The following LRRIQ1 variants were observed in gnomAD, a reference collection of about 807,000 sequenced individuals.
LRRIQ1 encodes leucine-rich repeat- and IQ domain-containing protein 1.
In LRRIQ1, 210 loss-of-function variants were observed where a neutral mutation model predicts 211.9. The observed-to-expected ratio is 0.99, with a 90% confidence interval of 0.89 to 1.11. LRRIQ1 has a LOEUF of 1.11. LRRIQ1 is among the 50% of genes most tolerant of loss of function. The probability of loss-of-function intolerance (pLI) is 0.00; values close to 1 mark genes in which losing one functional copy is unlikely to be tolerated. For missense variants in LRRIQ1, 2,136 were observed against 1,939.5 expected, an observed-to-expected ratio of 1.10 and a Z score of -1.90; for synonymous variants, 699 against 650.1, an observed-to-expected ratio of 1.08 and a Z score of -1.14.
rs1555228690 is a variant in LRRIQ1, at chr12:85,236,830, C to CATATATATATATATCTATATATCTAT, written c.5016+4088_5016+4089insCTATATATCTATATATATATATATAT. ...CTGGATATATGTATGTGTATGTGTG[C>CATATATATATATATCTATATATCTAT]ATATATATATATATATATATATATA... On this transcript the variant is annotated intron_variant, in intron 26 of 26. Transcript: ENST00000393217. 3.7e-5 allele frequency among the ~76,000 whole-genome samples: 4 copies of CATATATATATATATCTATATATCTAT among 108,802 alleles called. No individual in the cohort carries two copies. The East Asian group carries it at 1.0e-3, about 27-fold the overall frequency. The allele number at this position is 108,802 out of a possible 152,430, so 71.4% of individuals were successfully genotyped here.
chr12:85,213,180 C>CA (rs1006726463), intron 24 of LRRIQ1, among the ~76,000 whole-genome samples: 19 of 150,290 alleles, frequency 1.3e-4, no homozygotes, highest in African/African-American at 2.2e-4. Flanking sequence ...ACAACAGCAA[C>CA]AAAAAAAAGC....
chr12:85,210,884 A>C (rs569646302), intron 24 of LRRIQ1, among the ~76,000 whole-genome samples: 1 of 152,214 alleles, frequency 6.6e-6, no homozygotes, highest in Non-Finnish European at 1.5e-5. Flanking sequence ...GTTTTCCTCT[A>C]GTGCAAAGCA....
rs1202055106 is a variant in LRRIQ1, at chr12:85,046,108, A to G, written c.425A>G (p.Asp142Gly). The stretch of plus-strand genomic sequence containing the variant: ...TTTGTTCCTGAGCCTAGTCCTCATG[A>G]CTTGCCTATGGATGAACATGTTTTA... ...PDFVPEPSPHDLPMDEHVLPD... is the reference protein window; with the variant it reads ...PDFVPEPSPHGLPMDEHVLPD... Residue 142 changes from aspartate to glycine, a missense_variant, in exon 5 of 27, where the codon GAC (aspartate) becomes GGC (glycine). Asp to Gly is a moderately conservative substitution (Grantham distance 94). Coordinates refer to ENST00000393217, the MANE Select transcript of LRRIQ1 (RefSeq NM_001079910.2). The G allele has an allele frequency of 9.3e-6, 15 of 1,607,718 alleles. No individual in the cohort carries two copies. Among genetic ancestry groups the G allele is most frequent in the Non-Finnish European group, 1.3e-5 (15 of 1,175,710 alleles).
At chr12:85,107,211 T>A (rs915291433) in intron 15 of LRRIQ1, among the ~76,000 whole-genome samples, 5 of 152,126 alleles carry the variant, frequency 3.3e-5, no homozygotes, top group African/African-American at 1.2e-4. Flanking sequence ...GACCACCATC[T>A]TTTTTCAAAA....
Position 85,065,332 on chromosome 12 carries a change from A to G in LRRIQ1, c.2462A>G (p.Gln821Arg), listed in dbSNP as rs764133475. Residue 821 changes from glutamine (Q) to arginine (R), a missense_variant, in exon 9 of 27, where the codon CAG becomes CGG. By Grantham distance (43) the Gln-to-Arg change is conservative (BLOSUM62 1). Coordinates refer to ENST00000393217, the MANE Select transcript of LRRIQ1 (RefSeq NM_001079910.2). Reference sequence around the variant, plus strand: ...ACACTGGCAGAGTGTACAAATCTTCAGTTTCTATCCCTTCGACGCTGTGGA... The same window carrying G: ...ACACTGGCAGAGTGTACAAATCTTCGGTTTCTATCCCTTCGACGCTGTGGA... ...LSTLAECTNLQFLSLRRCGLT... is the reference protein window; with the variant it reads ...LSTLAECTNLRFLSLRRCGLT... 6.2e-7 allele frequency: 1 copy of G among 1,611,132 alleles called. No individual in the cohort carries two copies. The highest frequency in any genetic ancestry group is 8.5e-7 in the Non-Finnish European group (1 of 1,178,054).
At chr12:85,051,446 A>G (rs1003497689) in intron 6 of LRRIQ1, among the ~76,000 whole-genome samples, 63 of 152,114 alleles carry the variant, frequency 4.1e-4, no homozygotes, top group African/African-American at 1.4e-3. Context: ...TCTAATGTAA[A>G]CTGATGATTT....
intron 24 of LRRIQ1, among the ~76,000 whole-genome samples, chr12:85,188,275 A>G (rs1303642356): frequency 6.6e-6 from 1 of 152,126 alleles, no homozygotes; most frequent in East Asian, 1.9e-4. Context: ...GGTATGGATA[A>G]TTACATTTTA....
In LRRIQ1 at chr12:85,244,802, G is replaced by A; in HGVS notation, c.5030G>A (p.Ser1677Asn). 1 of 1,611,182 alleles carries A rather than the reference G, an allele frequency of 6.2e-7. No individual in the cohort carries two copies. The highest frequency in any genetic ancestry group is 8.5e-7 in the Non-Finnish European group (1 of 1,178,062). ...CATTGCTCCCAGGCAAGACTTGTAA[G>A]CAGAGAAGACACGGATTTAGACCTT... Reference protein sequence around the residue: ...GRVQLVARLVSREDTDLDLFS... With the variant: ...GRVQLVARLVNREDTDLDLFS... The change falls in exon 27 of 27, where the codon AGC becomes AAC. Residue 1677 changes from serine (S) to asparagine (N), a missense_variant. Ser to Asn is a conservative substitution (Grantham distance 46, BLOSUM62 1). Coordinates refer to ENST00000393217, the MANE Select transcript of LRRIQ1 (RefSeq NM_001079910.2).
intron 14 of LRRIQ1, among the ~76,000 whole-genome samples, chr12:85,105,441 C>G (rs1354759096): frequency 6.6e-6 from 1 of 150,744 alleles, no homozygotes; most frequent in African/African-American, 2.4e-5. Context: ...GTTGAATAAC[C>G]TTTTTTTTTC....
intron 14 of LRRIQ1, among the ~76,000 whole-genome samples, chr12:85,106,185 ACTTCTT>A (rs1886770255): frequency 6.6e-6 from 1 of 152,112 alleles, no homozygotes; most frequent in South Asian, 2.1e-4. Flanking sequence ...TTTAGATTTT[ACTTCTT>A]CAGATTTTGT....
intron 24 of LRRIQ1, among the ~76,000 whole-genome samples, chr12:85,209,744 C>G (rs987075330): frequency 3.3e-5 from 5 of 151,756 alleles, no homozygotes; most frequent in African/African-American, 1.2e-4. Context: ...GATGCTATTT[C>G]TTGAGCAAAA....
chr12:85,145,322 A>G (rs2136616983), intron 19 of LRRIQ1, among the ~76,000 whole-genome samples: 1 of 151,658 alleles, frequency 6.6e-6, no homozygotes, highest in East Asian at 1.9e-4. Context: ...AAAAGCCTAG[A>G]TCAACTGTCC....
chr12:85,218,806 A>G (rs1457861064), intron 24 of LRRIQ1, among the ~76,000 whole-genome samples: 2 of 152,138 alleles, frequency 1.3e-5, no homozygotes, highest in Non-Finnish European at 2.9e-5. Flanking sequence ...TCAGAAATGA[A>G]TAAATACCAG....
At position 85,137,803 on chromosome 12, in the gene LRRIQ1, G is replaced by A. The variant is rs79726589; in HGVS notation, c.4210-47G>A. On this transcript the variant is annotated intron_variant, in intron 18 of 26. Coordinates refer to ENST00000393217, the MANE Select transcript of LRRIQ1 (RefSeq NM_001079910.2). Reference sequence around the variant, plus strand: ...GGGATAACACAGATAATCTGGTTTAGGGTTTGATCTATAACTTTGTATAAC... The same window carrying A: ...GGGATAACACAGATAATCTGGTTTAAGGTTTGATCTATAACTTTGTATAAC... 732 of 1,500,416 alleles carry A rather than the reference G, an allele frequency of 4.9e-4. 3 individuals are homozygous for A. In the African/African-American group the frequency reaches 9.2e-3, roughly 19 times the overall value. The allele number at this position is 1,500,416 out of a possible 1,614,324, so 92.9% of individuals were successfully genotyped here. A position where few individuals can be genotyped will look rare whatever the true frequency, so the allele number is the denominator to read the frequency against.
intron 26 of LRRIQ1, among the ~76,000 whole-genome samples, chr12:85,242,708 G>T (rs10862964): frequency 0.028 from 4,215 of 151,964 alleles, 91 homozygotes; most frequent in Middle Eastern, 0.085. Flanking sequence ...ATATCGCTGT[G>T]CCAGATTCAC....
At chr12:85,072,020 G>C (rs1379339063) in intron 10 of LRRIQ1, among the ~76,000 whole-genome samples, 1 of 151,734 alleles carries the variant, frequency 6.6e-6, no homozygotes, top group East Asian at 1.9e-4. Context: ...TTTCTTTTCT[G>C]TTTATTATGC....
chr12:85,154,379 T>A (rs1692083374), intron 23 of LRRIQ1, among the ~76,000 whole-genome samples: 1 of 151,354 alleles, frequency 6.6e-6, no homozygotes, highest in Admixed American at 6.6e-5. Context: ...GTTTTAAAAC[T>A]GGTTCATTTT....
chr12:85,209,405 G>A (rs185015262), intron 24 of LRRIQ1, among the ~76,000 whole-genome samples: 53 of 152,186 alleles, frequency 3.5e-4, no homozygotes, highest in Non-Finnish European at 5.1e-4. Context: ...ACAGCATGGA[G>A]GTAACCACCC....
chr12:85,231,942 G>T (rs1216477093), intron 25 of LRRIQ1, among the ~76,000 whole-genome samples: 1 of 152,096 alleles, frequency 6.6e-6, no homozygotes, highest in Non-Finnish European at 1.5e-5. Flanking sequence ...ATAAACCAAC[G>T]TACAATGATA....
Sources: gnomAD v4.1 joint callset for allele counts (sites outside exome capture counted in the v4.1 genomes callset) on GRCh38, gnomAD v4.1.1 for gene constraint, MANE v1.5 for transcripts, NCBI Gene and HGNC (gene_info 2026-07-23, HGNC 2026-07-21) for gene names.